The following GSK3B variants were observed in gnomAD, a reference collection of about 807,000 sequenced individuals.
GSK3B encodes glycogen synthase kinase-3 beta.
GSK3B carries 15 observed loss-of-function variants against 56.4 expected under a neutral mutation model. The observed-to-expected ratio is 0.27, with a 90% CI of 0.18 to 0.41. The LOEUF is 0.41. GSK3B is among the 10% of genes least tolerant of loss of function. The probability of loss-of-function intolerance (pLI) is 1.00; values close to 1 mark genes in which losing one functional copy is unlikely to be tolerated. For synonymous variants in GSK3B, 181 were observed against 188.9 expected (o/e 0.96, Z 0.34); for missense variants, 300 against 513.4 (o/e 0.58, Z 4.02).
At chr3:120,069,045 TG>T (rs1167094727) in intron 1 of GSK3B, among the ~76,000 whole-genome samples, 1 of 151,938 alleles carries the variant, frequency 6.6e-6, no homozygotes, top group Non-Finnish European at 1.5e-5. Flanking sequence ...GGAAAACAAG[TG>T]GTGGAAAAGA....
intron 1 of GSK3B, among the ~76,000 whole-genome samples, chr3:120,015,817 T>G (rs1032313486): frequency 2.0e-5 from 3 of 152,168 alleles, no homozygotes; most frequent in African/African-American, 7.2e-5. Flanking sequence ...GACTAATTCA[T>G]GTTAAACCTA....
intron 1 of GSK3B, among the ~76,000 whole-genome samples, chr3:120,078,186 C>G (rs2058382709): frequency 6.6e-6 from 1 of 152,150 alleles, no homozygotes; most frequent in South Asian, 2.1e-4. Context: ...CATTTCTCAC[C>G]TCTTTCCTAG....
At chr3:119,985,988 T>C (rs561526820) in intron 2 of GSK3B, among the ~76,000 whole-genome samples, 6 of 152,214 alleles carry the variant, frequency 3.9e-5, no homozygotes, top group South Asian at 2.1e-4. Flanking sequence ...AAAACAGATA[T>C]ATAGACCAAT....
At chr3:119,941,593 T>C (rs1371780604) in intron 3 of GSK3B, among the ~76,000 whole-genome samples, 1 of 152,196 alleles carries the variant, frequency 6.6e-6, no homozygotes, top group Non-Finnish European at 1.5e-5. Flanking sequence ...TGCTATGAGG[T>C]TTAAGTGAGT....
intron 3 of GSK3B, among the ~76,000 whole-genome samples, chr3:119,937,401 C>T (rs1302484229): frequency 2.6e-5 from 4 of 152,098 alleles, no homozygotes; most frequent in Non-Finnish European, 2.9e-5. Context: ...GTAACCACTG[C>T]ATATGTTGGC....
chr3:120,056,902 G>T (rs1301306003), intron 1 of GSK3B, among the ~76,000 whole-genome samples: 2 of 152,150 alleles, frequency 1.3e-5, no homozygotes, highest in African/African-American at 2.4e-5. Flanking sequence ...CAGCACTTTG[G>T]GAGGCCGAGG....
At chr3:119,925,663 C>T (rs1210504710) in intron 3 of GSK3B, among the ~76,000 whole-genome samples, 1 of 151,914 alleles carries the variant, frequency 6.6e-6, no homozygotes, top group African/African-American at 2.4e-5. Flanking sequence ...CGTGTGGAAA[C>T]ATTACAATCA....
intron 10 of GSK3B, among the ~76,000 whole-genome samples, chr3:119,841,100 C>T (rs558178543): frequency 3.3e-5 from 5 of 152,298 alleles, no homozygotes; most frequent in African/African-American, 1.2e-4. Context: ...CCTCTATTAA[C>T]TATACCCCAA....
At chr3:119,852,598 C>T (rs1363682732) in intron 9 of GSK3B, among the ~76,000 whole-genome samples, 3 of 152,076 alleles carry the variant, frequency 2.0e-5, no homozygotes, top group African/African-American at 7.2e-5. Context: ...TCTGCTCACC[C>T]CCGCCTCCCA....
intron 3 of GSK3B, among the ~76,000 whole-genome samples, chr3:119,944,075 T>C (rs1331160472): frequency 6.6e-6 from 1 of 152,178 alleles, no homozygotes; most frequent in African/African-American, 2.4e-5. Context: ...AATTCCCAAA[T>C]GCATTTTAAG....
intron 2 of GSK3B, among the ~76,000 whole-genome samples, chr3:119,965,948 G>A (rs2057315138): frequency 6.6e-6 from 1 of 152,284 alleles, no homozygotes; most frequent in African/African-American, 2.4e-5. Context: ...AATCTTGTAG[G>A]TTCTCTAAGA....
chr3:119,874,864 G>C (rs368373717), intron 8 of GSK3B, among the ~76,000 whole-genome samples: 2 of 151,924 alleles, frequency 1.3e-5, no homozygotes, highest in African/African-American at 4.8e-5. Context: ...TGAAGTCATA[G>C]TATACTACAA....
intron 9 of GSK3B, among the ~76,000 whole-genome samples, chr3:119,854,561 GGT>G: frequency 6.6e-6 from 1 of 152,090 alleles, no homozygotes; most frequent in Admixed American, 6.5e-5. Flanking sequence ...GACTTTTTTT[GGT>G]TGGGAGGCTA....
intron 6 of GSK3B, among the ~76,000 whole-genome samples, chr3:119,908,756 A>G (rs2056707156): frequency 6.6e-6 from 1 of 152,170 alleles, no homozygotes; most frequent in African/African-American, 2.4e-5. Context: ...TCCTCTAGAC[A>G]TTTCTAGATG....
At chr3:120,076,001 G>A (rs988429249) in intron 1 of GSK3B, among the ~76,000 whole-genome samples, 2 of 151,524 alleles carry the variant, frequency 1.3e-5, no homozygotes, top group Admixed American at 6.6e-5. Context: ...AATCAAAATA[G>A]TTTAGTACTG....
intron 2 of GSK3B, among the ~76,000 whole-genome samples, chr3:119,982,577 T>A (rs2057474048): frequency 6.6e-6 from 1 of 152,164 alleles, no homozygotes; most frequent in Admixed American, 6.5e-5. Context: ...TGCACAAGCT[T>A]CAATAGCTGA....
At chr3:120,017,640 C>T (rs192450253) in intron 1 of GSK3B, among the ~76,000 whole-genome samples, 6 of 151,704 alleles carry the variant, frequency 4.0e-5, no homozygotes, top group African/African-American at 1.5e-4. Context: ...TGAATTAAAA[C>T]AGTAGGGAGG....
Position 120,023,371 on chromosome 3 carries a change from A to G in GSK3B, c.89-21132T>C, listed in dbSNP as rs555357860. ...TGTACTTTCATGCATCCTAGATGAA[A>G]TTGTAATAAAAGTTAACTACAAAAC... is the stretch of plus-strand genomic sequence containing the variant. On this transcript the variant is annotated intron_variant, in intron 1 of 10. Coordinates refer to ENST00000264235, the MANE Select transcript of GSK3B (RefSeq NM_001146156.2). 2.0e-5 allele frequency among the ~76,000 whole-genome samples: 3 copies of G among 151,094 alleles called. No homozygotes were observed. The South Asian group carries it at 6.3e-4, about 32-fold the overall frequency.
chr3:119,874,813 A>C (rs2056291848), intron 8 of GSK3B, among the ~76,000 whole-genome samples: 1 of 152,140 alleles, frequency 6.6e-6, no homozygotes, highest in Non-Finnish European at 1.5e-5. Context: ...GTATTTATTT[A>C]ATACACAGAA....
Sources: gnomAD v4.1 joint callset for allele counts (sites outside exome capture counted in the v4.1 genomes callset) on GRCh38, gnomAD v4.1.1 for gene constraint, MANE v1.5 for transcripts, NCBI Gene and HGNC (gene_info 2026-07-23, HGNC 2026-07-21) for gene names.